The following CSMD1 variants were observed in gnomAD, a reference collection of about 807,000 sequenced individuals.
The protein encoded by CSMD1 is CUB and Sushi multiple domains 1, also known as CUB and sushi domain-containing protein 1.
CSMD1 carries 213 observed loss-of-function variants against 417.5 expected under a neutral mutation model. That is an observed-to-expected ratio of 0.51 (90% CI 0.46 to 0.57). CSMD1 has a LOEUF of 0.57. CSMD1 is among the 20% of genes least tolerant of loss of function. The pLI is 0.00. For synonymous variants in CSMD1, 2,862 were observed against 1,736.8 expected (o/e 1.65, Z -16.11); for missense variants, 6,923 against 4,529.7 (o/e 1.53, Z -15.17).
intron 5 of CSMD1, among the ~76,000 whole-genome samples, chr8:3,827,059 G>A (rs138701733): frequency 1.3e-5 from 2 of 152,202 alleles, no homozygotes; most frequent in South Asian, 2.1e-4. Flanking sequence ...TGACATTATA[G>A]GCATGAGCCA....
intron 2 of CSMD1, among the ~76,000 whole-genome samples, chr8:4,423,671 C>A (rs772885127): frequency 2.6e-5 from 4 of 151,916 alleles, no homozygotes; most frequent in African/African-American, 9.7e-5. Context: ...CCACCAAAAT[C>A]CCAGCAAGAA....
At chr8:4,529,589 G>C (rs775100693) in intron 2 of CSMD1, among the ~76,000 whole-genome samples, 6 of 152,024 alleles carry the variant, frequency 3.9e-5, no homozygotes, top group Non-Finnish European at 8.8e-5. Flanking sequence ...AAGCTCCTTG[G>C]GGGCAGTGTT....
chr8:3,109,706 C>A (rs1437398705), intron 43 of CSMD1, among the ~76,000 whole-genome samples: 4 of 152,058 alleles, frequency 2.6e-5, no homozygotes, highest in African/African-American at 4.8e-5. Flanking sequence ...TCCTGCTCCC[C>A]CTGTGGGCTC....
chr8:4,986,011 T>C (rs1419147982), intron 1 of CSMD1, among the ~76,000 whole-genome samples: 3 of 152,238 alleles, frequency 2.0e-5, no homozygotes, highest in Non-Finnish European at 4.4e-5. Context: ...GAAGTGCCGA[T>C]CATACTCTGC....
At chr8:3,081,184 T>C (rs1814071056) in intron 49 of CSMD1, among the ~76,000 whole-genome samples, 1 of 152,350 alleles carries the variant, frequency 6.6e-6, no homozygotes, top group East Asian at 1.9e-4. Flanking sequence ...GTGCCAGGTT[T>C]GATCTTGCTC....
At chr8:3,670,087 G>C (rs566300470) in intron 7 of CSMD1, among the ~76,000 whole-genome samples, 2 of 152,126 alleles carry the variant, frequency 1.3e-5, no homozygotes, top group Admixed American at 6.5e-5. Flanking sequence ...CAACTTGATT[G>C]GATTAAAGGA....
At chr8:3,718,846 A>T (rs929045708) in intron 6 of CSMD1, among the ~76,000 whole-genome samples, 1 of 152,114 alleles carries the variant, frequency 6.6e-6, no homozygotes, top group Non-Finnish European at 1.5e-5. Flanking sequence ...TTTAACTTGG[A>T]AGCAGGTGGA....
intron 3 of CSMD1, among the ~76,000 whole-genome samples, chr8:4,352,269 G>T (rs117334158): frequency 0.022 from 3,359 of 152,278 alleles, 48 homozygotes; most frequent in Middle Eastern, 0.034. Flanking sequence ...GAACTCACCT[G>T]CTCATGAGGG....
At chr8:4,986,172 C>G (rs115813292) in intron 1 of CSMD1, among the ~76,000 whole-genome samples, 1,608 of 152,262 alleles carry the variant, frequency 0.011, 34 homozygotes, top group African/African-American at 0.037. Context: ...AAGATAGACT[C>G]TAACTTCAGT....
intron 3 of CSMD1, among the ~76,000 whole-genome samples, chr8:4,340,839 G>T (rs775508163): frequency 2.0e-4 from 31 of 151,930 alleles, no homozygotes; most frequent in Non-Finnish European, 3.1e-4. Context: ...TCAATTATTT[G>T]GTTGCTAATT....
In CSMD1 at chr8:3,672,451, C is replaced by T. The variant is rs183606946; in HGVS notation, c.1009+35963G>A. 1.9e-3 allele frequency among the ~76,000 whole-genome samples: 283 copies of T among 152,226 alleles called. 4 individuals carry two copies. The highest frequency in any genetic ancestry group is 9.6e-4 in the Non-Finnish European group (65 of 68,016). ...GCTGGTATCAGAGTGTGGGAGCTGA[C>T]TTTCAAATGTTCAAAACACGTGTAG... On this transcript the variant is annotated intron_variant, in intron 7 of 69. Transcript: ENST00000635120.
chr8:3,793,678 T>C (rs1054875093), intron 5 of CSMD1, among the ~76,000 whole-genome samples: 3 of 152,170 alleles, frequency 2.0e-5, no homozygotes, highest in South Asian at 4.1e-4. Context: ...AAACCACTCA[T>C]GATTCATTAT....
At chr8:3,725,953 A>G (rs1802470298) in intron 6 of CSMD1, among the ~76,000 whole-genome samples, 1 of 152,128 alleles carries the variant, frequency 6.6e-6, no homozygotes, top group African/African-American at 2.4e-5. Context: ...GCAAGCAATG[A>G]ACAGAAAAAA....
At chr8:3,538,299 T>A (rs1798288463) in intron 10 of CSMD1, among the ~76,000 whole-genome samples, 1 of 152,196 alleles carries the variant, frequency 6.6e-6, no homozygotes, top group Non-Finnish European at 1.5e-5. Context: ...ATGCTTCACC[T>A]GAGATGGTAC....
intron 42 of CSMD1, among the ~76,000 whole-genome samples, chr8:3,111,817 GTCTC>G (rs887875939): frequency 6.6e-6 from 1 of 151,984 alleles, no homozygotes; most frequent in African/African-American, 2.4e-5. Context: ...GGGTGACAGA[GTCTC>G]TGTCTCTAAA....
chr8:4,138,069 T>G (rs1423761727), intron 3 of CSMD1, among the ~76,000 whole-genome samples: 5 of 86,972 alleles, frequency 5.7e-5, no homozygotes, highest in Non-Finnish European at 1.3e-4. Context: ...TTTTTTTTTT[T>G]TTTTTTTTTT....
At chr8:4,031,618 G>A (rs929851722) in intron 4 of CSMD1, among the ~76,000 whole-genome samples, 3 of 151,042 alleles carry the variant, frequency 2.0e-5, no homozygotes, top group African/African-American at 4.8e-5. Context: ...GACTTTATGT[G>A]GTCCAAGCAT....
At chr8:4,197,500 C>T (rs1461102901) in intron 3 of CSMD1, among the ~76,000 whole-genome samples, 1 of 152,212 alleles carries the variant, frequency 6.6e-6, no homozygotes. Flanking sequence ...AACTGACTCT[C>T]TGTCAAGTAA....
At chr8:3,700,621 A>C (rs937170272) in intron 7 of CSMD1, 1 of 152,194 alleles carries the variant, frequency 6.6e-6, no homozygotes, top group African/African-American at 2.4e-5. Flanking sequence ...GATCAGTGAC[A>C]GCTGCCAGAG....
Sources: gnomAD v4.1 joint callset for allele counts (sites outside exome capture counted in the v4.1 genomes callset) on GRCh38, gnomAD v4.1.1 for gene constraint, MANE v1.5 for transcripts, NCBI Gene and HGNC (gene_info 2026-07-23, HGNC 2026-07-21) for gene names.